Variants in RNF19A observed in about 807,000 individuals in gnomAD.
The protein encoded by RNF19A is E3 ubiquitin-protein ligase RNF19A.
In RNF19A, 32 loss-of-function variants were observed where a neutral mutation model predicts 75.7. The observed-to-expected ratio is 0.42, with a 90% CI of 0.32 to 0.57. RNF19A has a LOEUF of 0.57. Ranked by LOEUF, RNF19A falls within the 20% of genes least tolerant of loss-of-function variation. The probability of loss-of-function intolerance (pLI) is 0.10; values close to 1 mark genes in which losing one functional copy is unlikely to be tolerated. For missense variants in RNF19A, 782 were observed against 1,036.3 expected, an observed-to-expected ratio of 0.75 and a Z score of 3.37; for synonymous variants, 335 against 345.2, an observed-to-expected ratio of 0.97 and a Z score of 0.33.
chr8:100,303,764 A>G (rs1821948201), intron 1 of RNF19A, among the ~76,000 whole-genome samples: 1 of 141,992 alleles, frequency 7.0e-6, no homozygotes, highest in Non-Finnish European at 1.5e-5. Flanking sequence ...CCGCTTGTAA[A>G]AAAAAAAAAA....
intron 3 of RNF19A, among the ~76,000 whole-genome samples, chr8:100,270,461 G>A (rs1820203015): frequency 6.6e-6 from 1 of 152,062 alleles, no homozygotes; most frequent in South Asian, 2.1e-4. Context: ...AACAGGAGGT[G>A]ACAATTTGAT....
At chr8:100,307,076 T>A (rs769578409) in intron 1 of RNF19A, among the ~76,000 whole-genome samples, 8 of 152,246 alleles carry the variant, frequency 5.3e-5, no homozygotes, top group Non-Finnish European at 1.2e-4. Flanking sequence ...GAAATTCAAC[T>A]TTACTTTGGG....
rs1390768560 is a variant in RNF19A, at chr8:100,287,274, C to A, written c.674+227G>T. On this transcript the variant is annotated intron_variant, in intron 2 of 9. Transcript: ENST00000341084. The surrounding 1 kb of genome is among the most constrained non-coding windows in gnomAD (Gnocchi z 4.1). ...CTGTACTCTACCACCTTACCCTTTC[C>A]TTCTAAAAGTGCTCAGTGAGTATGT... 6.6e-6 allele frequency among the ~76,000 whole-genome samples: 1 copy of A among 152,060 alleles called. No homozygotes were observed. The highest frequency in any genetic ancestry group is 2.4e-5 in the African/African-American group (1 of 41,382).
In RNF19A at chr8:100,331,909, A is replaced by C. The variant is rs533692198; in HGVS notation, c.-243+4199T>G. 2.9e-4 allele frequency among the ~76,000 whole-genome samples: 44 copies of C among 152,316 alleles called. No individual in the cohort carries two copies. Among genetic ancestry groups the C allele is most frequent in the Non-Finnish European group, 5.1e-4 (35 of 68,028 alleles). ...ACTCAAGAATATATCTTGGAGAATT[A>C]CTATTAATATATCAGTACCTACAAA... is the stretch of plus-strand genomic sequence containing the variant. On this transcript the variant is annotated intron_variant, in intron 1 of 3. Transcript: ENST00000519527. This position sits in a 1 kb window ranked among gnomAD's most constrained non-coding sequence, Gnocchi z 5.2.
In RNF19A at chr8:100,305,488, G is replaced by A. The variant is rs141590285; in HGVS notation, c.-94+4379C>T. On this transcript the variant is annotated intron_variant, in intron 1 of 9. Transcript: ENST00000341084. ...TAAAGTCACTCATGATAATCTTTCAGATCTATTGGCTTAAATGCATTATGA... is the reference window on the plus strand; with the variant it reads ...TAAAGTCACTCATGATAATCTTTCAAATCTATTGGCTTAAATGCATTATGA... Among the ~76,000 whole-genome samples the A allele has an allele frequency of 3.2e-3, 481 of 152,308 alleles. 2 individuals carry two copies. Among genetic ancestry groups the A allele is most frequent in the Non-Finnish European group, 4.9e-3 (334 of 68,036 alleles).
At position 100,259,570 on chromosome 8, in the gene RNF19A, G is replaced by A. The variant is rs1362987119; in HGVS notation, c.1826+284C>T. On this transcript the variant is annotated intron_variant, in intron 9 of 9. Coordinates refer to ENST00000341084, the MANE Select transcript of RNF19A (RefSeq NM_183419.4). The surrounding 1 kb of genome is among the most constrained non-coding windows in gnomAD (Gnocchi z 4.5). ...GTGATTTTTAGTTGTGATCAGAGCTGTGCAACCATCACCACTACCTAACTT... is the reference window on the plus strand; with the variant it reads ...GTGATTTTTAGTTGTGATCAGAGCTATGCAACCATCACCACTACCTAACTT... Among the ~76,000 whole-genome samples, 1 of 152,098 alleles carries A rather than the reference G, an allele frequency of 6.6e-6. No homozygotes were observed. The highest frequency in any genetic ancestry group is 1.5e-5 in the Non-Finnish European group (1 of 68,014).
Position 100,284,052 on chromosome 8 carries a change from T to C in RNF19A, c.674+3449A>G, listed in dbSNP as rs1820905071. 6.6e-6 allele frequency among the ~76,000 whole-genome samples: 1 copy of C among 151,994 alleles called. No homozygotes were observed. The highest frequency in any genetic ancestry group is 2.1e-4 in the South Asian group (1 of 4,816). On this transcript the variant is annotated intron_variant, in intron 2 of 9. Transcript: ENST00000341084. The surrounding 1 kb of genome is among the most constrained non-coding windows in gnomAD (Gnocchi z 4.3). ...AAACCTCCAGTTCCTGGTACATAGG[T>C]GCATTAAATATTTGAATGATTATCT...
At chr8:100,311,003 T>C (rs1822281205), upstream of RNF19A, among the ~76,000 whole-genome samples, 1 of 152,218 alleles carries the variant, frequency 6.6e-6, no homozygotes, top group African/African-American at 2.4e-5. Context: ...CACTCTAACA[T>C]AGAATACTGA....
rs1172163595 is a variant in RNF19A at position 100,275,010 on chromosome 8, G to A, written c.826C>T (p.Arg276Cys). Residue 276 changes from arginine to cysteine, a missense_variant, in exon 3 of 10, where the codon CGT becomes TGT. This residue lies in a region of RNF19A where 34 missense variants were observed against 25.2 expected (regional missense o/e 1.35). Transcript: ENST00000341084. The surrounding 1 kb of genome is among the most constrained non-coding windows in gnomAD (Gnocchi z 4.3). ...GATGAAGAACGTATAGTTCTCAAAC[G>A]TAAGCTCTGGGCTCTCTCTTGTCGA... ...AARQERAQSL[R>C]LRTIRSSSIS... 6.2e-7 allele frequency: 1 copy of A among 1,614,104 alleles called. No individual in the cohort carries two copies. The highest frequency in any genetic ancestry group is 8.5e-7 in the Non-Finnish European group (1 of 1,180,014).
intron 3 of RNF19A, among the ~76,000 whole-genome samples, chr8:100,272,540 T>A (rs954494109): frequency 2.0e-5 from 3 of 147,136 alleles, no homozygotes; most frequent in African/African-American, 7.4e-5. Context: ...TCACTACACT[T>A]TTTTTTTTTT....
At chr8:100,267,485 T>G (rs1820038771) in intron 5 of RNF19A, among the ~76,000 whole-genome samples, 1 of 152,058 alleles carries the variant, frequency 6.6e-6, no homozygotes, top group African/African-American at 2.4e-5. Context: ...TCCTCCCACC[T>G]CAGCCTCCCA....
chr8:100,305,267 A>C (rs1253542751), intron 1 of RNF19A, among the ~76,000 whole-genome samples: 1 of 152,204 alleles, frequency 6.6e-6, no homozygotes, highest in Non-Finnish European at 1.5e-5. Flanking sequence ...GAGATGTAAA[A>C]CTGAGAGAAG....
chr8:100,288,967 G>C (rs971507129), intron 1 of RNF19A, among the ~76,000 whole-genome samples: 1 of 151,754 alleles, frequency 6.6e-6, no homozygotes, highest in African/African-American at 2.4e-5. Context: ...GGCTGAGGCA[G>C]GAGAATGGCG....
chr8:100,264,142 G>C lies in RNF19A; in HGVS notation c.1360C>G (p.Leu454Val), dbSNP rs1819858347. 1 of 1,613,650 alleles carries C rather than the reference G, an allele frequency of 6.2e-7. No homozygotes were observed. The highest frequency in any genetic ancestry group is 8.5e-7 in the Non-Finnish European group (1 of 1,179,726). ...AYVYGVVPIS[L>V]CRSGGCGVSA... ...ACTCCACAACCTCCGCTTCGACAAA[G>C]AGAAATTGGAACTACGCCATAGACA... The change falls in exon 7 of 10, where the codon CTT becomes GTT. Residue 454 changes from leucine (L) to valine (V), a missense_variant. Physicochemically the swap from Leu to Val is conservative, Grantham distance 32 (BLOSUM62 1). Coordinates refer to ENST00000341084, the MANE Select transcript of RNF19A (RefSeq NM_183419.4). The surrounding 1 kb of genome is among the most constrained non-coding windows in gnomAD (Gnocchi z 4.7).
intron 5 of RNF19A, among the ~76,000 whole-genome samples, chr8:100,266,654 G>A (rs1010095848): frequency 2.0e-5 from 3 of 152,012 alleles, no homozygotes; most frequent in African/African-American, 4.8e-5. Flanking sequence ...GGGGCTACAG[G>A]CATGCACCAC....
rs374747875 is a variant in RNF19A, at chr8:100,331,286, G to A, written c.-243+4822C>T. ...TTTCACATAATGTAGAAAAGCCATC[G>A]TCCTCTTGAGATATTCCCATTGCAA... On this transcript the variant is annotated intron_variant, in intron 1 of 3. Transcript: ENST00000519527. The surrounding 1 kb of genome is among the most constrained non-coding windows in gnomAD (Gnocchi z 5.2). Among the ~76,000 whole-genome samples, 4 of 152,156 alleles carry A rather than the reference G, an allele frequency of 2.6e-5. No homozygotes were observed. Among genetic ancestry groups the A allele is most frequent in the Non-Finnish European group, 4.4e-5 (3 of 68,030 alleles).
In RNF19A at chr8:100,275,598, T is replaced by A. The variant is rs1336781098; in HGVS notation, c.675-437A>T. On this transcript the variant is annotated intron_variant, in intron 2 of 9. Transcript: ENST00000341084. The surrounding 1 kb of genome is among the most constrained non-coding windows in gnomAD (Gnocchi z 4.3). ...ATACCAAATTGCATTTAGCCTAATC[T>A]CAATTTTATAAAAAACCATATTAAA... Among the ~76,000 whole-genome samples, 2 of 152,062 alleles carry A rather than the reference T, an allele frequency of 1.3e-5. No homozygotes were observed. The highest frequency in any genetic ancestry group is 2.9e-5 in the Non-Finnish European group (2 of 68,014).
rs1351134797 is a variant in RNF19A at position 100,269,549 on chromosome 8, ACT to A, written c.1028+318_1028+319del. Among the ~76,000 whole-genome samples, 1 of 152,124 alleles carries A rather than the reference ACT, an allele frequency of 6.6e-6. No individual in the cohort carries two copies. The highest frequency in any genetic ancestry group is 1.5e-5 in the Non-Finnish European group (1 of 67,998). On this transcript the variant is annotated intron_variant, in intron 4 of 9. Transcript: ENST00000341084. This position sits in a 1 kb window ranked among gnomAD's most constrained non-coding sequence, Gnocchi z 5.7. Reference sequence around the variant, plus strand: ...AATTATCTGATTATATCATAAACTCACTCTGTGCCTAAATGATAAAATTTATG... The same window carrying A: ...AATTATCTGATTATATCATAAACTCACTGTGCCTAAATGATAAAATTTATG...
chr8:100,304,671 AAACC>A (rs2130195071), intron 1 of RNF19A, among the ~76,000 whole-genome samples: 1 of 152,360 alleles, frequency 6.6e-6, no homozygotes, highest in East Asian at 1.9e-4. Flanking sequence ...TCTGGTGCTC[AAACC>A]AACCTAGTCG....
Sources: gnomAD v4.1 joint callset for allele counts (sites outside exome capture counted in the v4.1 genomes callset) on GRCh38, gnomAD v4.1.1 for gene constraint, gnomAD v4.1.1 regional missense constraint, Gnocchi (gnomAD v3.1) non-coding constraint, MANE v1.5 for transcripts, NCBI Gene and HGNC (gene_info 2026-07-23, HGNC 2026-07-21) for gene names.